ST3GAL5: variants seen among roughly 807,000 people sequenced by gnomAD.
ST3GAL5 encodes ST3 beta-galactoside alpha-2,3-sialyltransferase 5.
A neutral mutation model predicts 46.1 loss-of-function variants in ST3GAL5; 25 were observed. The ratio of observed to expected loss-of-function variants is 0.54; its 90% confidence interval spans 0.40 to 0.76. The LOEUF (loss-of-function observed/expected upper bound fraction) is 0.76, where lower values mean the gene tolerates loss of function less well. ST3GAL5 is among the 30% of genes least tolerant of loss of function. The pLI is 0.00. For missense variants in ST3GAL5, 431 were observed against 521.2 expected, an observed-to-expected ratio of 0.83 and a Z score of 1.69; for synonymous variants, 182 against 192.7, an observed-to-expected ratio of 0.94 and a Z score of 0.46.
intron 1 of ST3GAL5, among the ~76,000 whole-genome samples, chr2:85,881,119 G>A (rs1207319706): frequency 2.6e-5 from 4 of 152,156 alleles, no homozygotes; most frequent in African/African-American, 9.7e-5. Context: ...TTTATCAGGG[G>A]TTTCTGCTTT....
chr2:85,873,860 C>G (rs529854370), intron 1 of ST3GAL5, among the ~76,000 whole-genome samples: 144 of 152,306 alleles, frequency 9.5e-4, no homozygotes, highest in African/African-American at 3.2e-3. Flanking sequence ...CCCAGAATGT[C>G]CCCCCTGGTG....
At chr2:85,840,886 G>A (rs934697986) in intron 6 of ST3GAL5, among the ~76,000 whole-genome samples, 1 of 137,068 alleles carries the variant, frequency 7.3e-6, no homozygotes, top group African/African-American at 2.7e-5. Flanking sequence ...GGAGGCTGCA[G>A]TGAGCCGAGA....
intron 1 of ST3GAL5, chr2:85,875,688 G>A (rs1345744826): frequency 1.3e-5 from 2 of 152,270 alleles, no homozygotes; most frequent in East Asian, 1.9e-4. Flanking sequence ...GAAAGAGAGT[G>A]GGGGAACACT....
intron 1 of ST3GAL5, among the ~76,000 whole-genome samples, chr2:85,874,697 G>A (rs912424511): frequency 3.3e-5 from 5 of 151,768 alleles, no homozygotes; most frequent in Admixed American, 1.3e-4. Flanking sequence ...CATTTTGTTC[G>A]CTGCTGTAAT....
At position 85,840,153 on chromosome 2, in the gene ST3GAL5, A is replaced by G. The variant is rs2104583142; in HGVS notation, c.1248T>C (p.Arg416=). 1 of 1,614,184 alleles carries G rather than the reference A, an allele frequency of 6.2e-7. No individual in the cohort carries two copies. Among genetic ancestry groups the G allele is most frequent in the Non-Finnish European group, 8.5e-7 (1 of 1,180,028 alleles). The part of the protein sequence containing the change: ...VVKDLSGGID[R]EF ...CTGAGGTTTTCTGTGTTCAAAATTC[A>G]CGATCAATGCCTCCACTGAGATCTT... The change falls in exon 7 of 7, where the codon CGT becomes CGC. Residue 416 remains arginine (R), a synonymous_variant. Transcript: ENST00000638572.
At chr2:85,846,996 G>A (rs1258811461) in intron 4 of ST3GAL5, among the ~76,000 whole-genome samples, 1 of 152,178 alleles carries the variant, frequency 6.6e-6, no homozygotes, top group Non-Finnish European at 1.5e-5. Flanking sequence ...CTGTCTCTAT[G>A]TTGCCCAGGC....
In ST3GAL5 at chr2:85,838,905, G is replaced by C. The variant is rs1270402086; in HGVS notation, c.*1239C>G. ...GCAGATCTTCTGATATCAGAGGCTA[G>C]AGCCATTAAGAGACAGAAGCTAGGG... On this transcript the variant is annotated 3_prime_UTR_variant, in exon 7 of 7. Transcript: ENST00000638572. The C allele has an allele frequency of 6.6e-6, 1 of 152,386 alleles. No homozygotes were observed. Among genetic ancestry groups the C allele is most frequent in the Non-Finnish European group, 1.5e-5 (1 of 68,192 alleles). 9.4% of individuals were successfully genotyped at this position (152,386 alleles called of 1,614,324 possible).
rs543549084 is a variant in ST3GAL5, at chr2:85,882,765, G to A, written c.82+6059C>T. 4.8e-4 allele frequency among the ~76,000 whole-genome samples: 72 copies of A among 149,874 alleles called. 1 individual carries two copies. The highest frequency in any genetic ancestry group is 1.7e-3 in the African/African-American group (70 of 40,694). On this transcript the variant is annotated intron_variant, in intron 1 of 6. Coordinates refer to ENST00000638572, the MANE Select transcript of ST3GAL5 (RefSeq NM_003896.4). The stretch of plus-strand genomic sequence containing the variant: ...GGAGAATCACTTGAACCCAGGAGGC[G>A]GAGGTTGCAGTGAGCTGAGATCGCA...
In ST3GAL5 at chr2:85,885,014, G is replaced by A. The variant is rs553120324; in HGVS notation, c.82+3810C>T. 1.2e-3 allele frequency among the ~76,000 whole-genome samples: 184 copies of A among 152,236 alleles called. 2 individuals are homozygous for A. The highest frequency in any genetic ancestry group is 4.3e-3 in the African/African-American group (178 of 41,520). On this transcript the variant is annotated intron_variant, in intron 1 of 6. Transcript: ENST00000638572. ...GAAGGAAAAAAGGAAAGAATTCATG[G>A]GTACAGGACTTGGTGAACCATCCAA...
chr2:85,869,220 T>C (rs1685634499), intron 1 of ST3GAL5, among the ~76,000 whole-genome samples: 1 of 151,862 alleles, frequency 6.6e-6, no homozygotes, highest in South Asian at 2.1e-4. Context: ...CAGCTATCTG[T>C]TTATTTGTAG....
intron 1 of ST3GAL5, among the ~76,000 whole-genome samples, chr2:85,880,243 A>C (rs1052695812): frequency 1.3e-5 from 2 of 152,224 alleles, no homozygotes; most frequent in African/African-American, 4.8e-5. Flanking sequence ...GGAATTGTAC[A>C]GGAGACAAAA....
intron 1 of ST3GAL5, among the ~76,000 whole-genome samples, chr2:85,873,030 G>A (rs1026737838): frequency 2.0e-5 from 3 of 152,210 alleles, no homozygotes; most frequent in Non-Finnish European, 2.9e-5. Context: ...CAGAATGAAG[G>A]GGCCAAGCAA....
chr2:85,867,744 G>A, intron 1 of ST3GAL5: 3 of 742,074 alleles, frequency 4.0e-6, no homozygotes, highest in Non-Finnish European at 7.6e-6. Flanking sequence ...CCAACCCTCA[G>A]GAAAATGCAA....
intron 1 of ST3GAL5, among the ~76,000 whole-genome samples, chr2:85,866,375 T>G (rs1157849419): frequency 6.6e-6 from 1 of 152,242 alleles, no homozygotes; most frequent in Non-Finnish European, 1.5e-5. Context: ...CTACATGCCT[T>G]TAATAGAAGT....
chr2:85,851,338 C>A, intron 3 of ST3GAL5: 1 of 1,169,020 alleles, frequency 8.6e-7, no homozygotes, highest in South Asian at 1.7e-5. Context: ...TTCTACATGT[C>A]CTGGCAACGT....
intron 1 of ST3GAL5, among the ~76,000 whole-genome samples, chr2:85,884,186 C>T (rs545239525): frequency 1.3e-5 from 2 of 152,126 alleles, no homozygotes; most frequent in Non-Finnish European, 2.9e-5. Context: ...CTGTGGTGAA[C>T]ATTACATTAG....
intron 1 of ST3GAL5, among the ~76,000 whole-genome samples, chr2:85,884,514 T>C (rs1189766439): frequency 6.6e-6 from 1 of 152,178 alleles, no homozygotes; most frequent in East Asian, 1.9e-4. Context: ...ATGTTTCCAC[T>C]GGACAGTGGT....
intron 1 of ST3GAL5, among the ~76,000 whole-genome samples, chr2:85,876,867 A>C (rs536848981): frequency 3.9e-5 from 6 of 152,296 alleles, no homozygotes; most frequent in Admixed American, 2.6e-4. Context: ...AGACACTGAA[A>C]AGCCCTATGG....
chr2:85,846,548 T>C lies in ST3GAL5; in HGVS notation c.678A>G (p.Pro226=). Reference sequence around the variant, plus strand: ...CAACATGTTCTGAATATCCCTCAACTGGTGCACTGTTTAACCTATTTAAAT... The same window carrying C: ...CAACATGTTCTGAATATCCCTCAACCGGTGCACTGTTTAACCTATTTAAAT... ...FDVVIRLNSA[P]VEGYSEHVGN... is the part of the protein sequence containing the mutation. Residue 226 remains proline (P), a synonymous_variant, in exon 5 of 7, where the codon CCA becomes CCG. Transcript: ENST00000638572. 1.2e-6 allele frequency: 2 copies of C among 1,614,216 alleles called. No homozygotes were observed. Among genetic ancestry groups the C allele is most frequent in the South Asian group, 2.2e-5 (2 of 91,088 alleles).
Sources: allele counts gnomAD v4.1 joint callset (sites outside exome capture counted in the v4.1 genomes callset), GRCh38; gene constraint gnomAD v4.1.1; transcripts MANE v1.5; gene names NCBI Gene and HGNC (gene_info 2026-07-23, HGNC 2026-07-21).